The following DTNB variants were observed in gnomAD, a reference collection of about 807,000 sequenced individuals.
The protein encoded by DTNB is dystrobrevin beta.
DTNB carries 63 observed loss-of-function variants against 90.7 expected under a neutral mutation model. That is an observed-to-expected ratio of 0.69 (90% confidence interval 0.57 to 0.86). The LOEUF (loss-of-function observed/expected upper bound fraction) is 0.86. Ranked by LOEUF, DTNB falls within the 40% of genes least tolerant of loss-of-function variation. DTNB has a pLI of 0.00. For missense variants in DTNB, 744 were observed against 807.1 expected (o/e 0.92, Z 0.95); for synonymous variants, 277 against 286.7 (o/e 0.97, Z 0.34).
chr2:25,401,910 C>T (rs558346793), intron 16 of DTNB, among the ~76,000 whole-genome samples: 3 of 152,122 alleles, frequency 2.0e-5, no homozygotes, highest in Non-Finnish European at 2.9e-5. Context: ...ATTTTGCTGC[C>T]GTGTATTTAA....
intron 10 of DTNB, among the ~76,000 whole-genome samples, 183 bp from the exon 11 acceptor site, chr2:25,455,677 C>T (rs1269659871): frequency 6.6e-6 from 1 of 152,236 alleles, no homozygotes; most frequent in Non-Finnish European, 1.5e-5. Context: ...AGGAATCCAT[C>T]TCTCAAATCC....
intron 15 of DTNB, among the ~76,000 whole-genome samples, chr2:25,425,358 C>A (rs1376850973): frequency 1.3e-5 from 2 of 152,158 alleles, no homozygotes; most frequent in Admixed American, 1.3e-4. Context: ...TTGAGCAAGT[C>A]AAAATTCAGT....
chr2:25,471,265 A>G (rs2062752521), intron 10 of DTNB, among the ~76,000 whole-genome samples: 1 of 152,084 alleles, frequency 6.6e-6, no homozygotes, highest in South Asian at 2.1e-4. Flanking sequence ...AGAACTGTTC[A>G]CCACTACTCA....
intron 3 of DTNB, among the ~76,000 whole-genome samples, chr2:25,633,525 T>A (rs1428983685): frequency 6.6e-6 from 1 of 151,890 alleles, no homozygotes; most frequent in Non-Finnish European, 1.5e-5. Flanking sequence ...AACCTCCACC[T>A]CCCAGCCGCC....
chr2:25,628,974 T>G (rs1297719893), intron 3 of DTNB, among the ~76,000 whole-genome samples: 1 of 152,188 alleles, frequency 6.6e-6, no homozygotes, highest in Non-Finnish European at 1.5e-5. Context: ...CCATTTCCAG[T>G]AATAAAGTAG....
intron 15 of DTNB, among the ~76,000 whole-genome samples, chr2:25,422,674 A>G (rs1277992683): frequency 6.6e-6 from 1 of 152,110 alleles, no homozygotes; most frequent in African/African-American, 2.4e-5. Context: ...TTGGGATTAT[A>G]GGCATGAGCC....
intron 14 of DTNB, among the ~76,000 whole-genome samples, chr2:25,429,586 TC>T (rs2053163733): frequency 6.6e-6 from 1 of 152,342 alleles, no homozygotes; most frequent in African/African-American, 2.4e-5. Context: ...TTAGTGCTCC[TC>T]AGTGGTACTT....
At chr2:25,642,102 G>A (rs2078457965) in intron 2 of DTNB, among the ~76,000 whole-genome samples, 1 of 152,188 alleles carries the variant, frequency 6.6e-6, no homozygotes, top group East Asian at 1.9e-4. Flanking sequence ...TTACAGGCAT[G>A]AGCCACCACA....
At chr2:25,672,210 A>G (rs1212807619) in intron 1 of DTNB, among the ~76,000 whole-genome samples, 3 of 142,378 alleles carry the variant, frequency 2.1e-5, no homozygotes, top group Admixed American at 2.1e-4. Context: ...TAGCAAAAAA[A>G]AAAAAAAAAA....
Position 25,432,916 on chromosome 2 carries a change from G to A in DTNB, c.1427C>T (p.Pro476Leu), listed in dbSNP as rs773683208. 2 of 1,609,788 alleles carry A rather than the reference G, an allele frequency of 1.2e-6. No individual in the cohort carries two copies. ...CAGCCGCAGCTCTGCCAGCAGCGTG[G>A]GGTTCTGCTGTGCCTTCTCAGGGGT... The part of the protein sequence containing the change: ...QPTPEKAQQN[P>L]TLLAELRLLR... The change falls in exon 14 of 21, where the codon CCC (proline) becomes CTC (leucine). Residue 476 changes from proline (P) to leucine (L), a missense_variant. Pro to Leu is a moderately conservative substitution (Grantham distance 98, BLOSUM62 -3). Coordinates refer to ENST00000406818, the MANE Select transcript of DTNB (RefSeq NM_021907.5).
intron 8 of DTNB, among the ~76,000 whole-genome samples, chr2:25,560,629 G>A (rs1490641361): frequency 6.6e-6 from 1 of 152,042 alleles, no homozygotes; most frequent in Non-Finnish European, 1.5e-5. Flanking sequence ...AGTTCTCCTG[G>A]GTCTCCAACT....
intron 10 of DTNB, among the ~76,000 whole-genome samples, chr2:25,478,546 A>G (rs2064215313): frequency 5.3e-5 from 8 of 151,210 alleles, no homozygotes. Flanking sequence ...TTTTTTAGAG[A>G]CAGAGTCTCG....
intron 4 of DTNB, among the ~76,000 whole-genome samples, chr2:25,618,822 T>C (rs1573511497): frequency 1.3e-5 from 2 of 152,186 alleles, no homozygotes; most frequent in Non-Finnish European, 2.9e-5. Flanking sequence ...TTCATTTCCA[T>C]AGCCCTATCA....
intron 9 of DTNB, chr2:25,497,192 T>G (rs1332134838): frequency 6.6e-6 from 1 of 152,314 alleles, no homozygotes; most frequent in East Asian, 1.9e-4. Context: ...AACACACATC[T>G]GCCTTCCACC....
At chr2:25,598,505 A>G (rs17047092) in intron 5 of DTNB, among the ~76,000 whole-genome samples, 3,446 of 152,300 alleles carry the variant, frequency 0.023, 133 homozygotes, top group African/African-American at 0.076. Flanking sequence ...ACAGCTTAGA[A>G]AGGTTAACTT....
chr2:25,571,996 T>C (rs1396056307), intron 8 of DTNB, among the ~76,000 whole-genome samples: 1 of 152,136 alleles, frequency 6.6e-6, no homozygotes, highest in African/African-American at 2.4e-5. Flanking sequence ...TACCTTTTTG[T>C]TCCCTTTTCT....
At chr2:25,411,796 C>T (rs989098528) in intron 16 of DTNB, among the ~76,000 whole-genome samples, 9 of 152,178 alleles carry the variant, frequency 5.9e-5, no homozygotes, top group Admixed American at 5.9e-4. Context: ...TTTTTATCCT[C>T]CAAAAGGCCA....
At chr2:25,648,185 T>G (rs1490154824) in intron 2 of DTNB, among the ~76,000 whole-genome samples, 1 of 152,218 alleles carries the variant, frequency 6.6e-6, no homozygotes, top group East Asian at 1.9e-4. Flanking sequence ...ACCTTTCACT[T>G]TTCTTGGTGA....
Position 25,388,351 on chromosome 2 carries a change from GT to G in DTNB, c.1585del (p.Thr529GlnfsTer37), listed in dbSNP as rs2040124082. On this transcript the variant is annotated frameshift_variant, in exon 17 of 21. Transcript: ENST00000406818. LOFTEE classifies it high-confidence loss of function. ...EEEQKQAAQA[T>X]GSPHTSPTHG... ...GGTGGGCGATGTATGTGGTGACCCT[GT>G]GGCCTGAGCCTGGAGATTCAAAGAC... 6.2e-7 allele frequency: 1 copy of G among 1,605,620 alleles called. No homozygotes were observed. The highest frequency in any genetic ancestry group is 8.5e-7 in the Non-Finnish European group (1 of 1,173,982).
Sources: gnomAD v4.1 joint callset for allele counts (sites outside exome capture counted in the v4.1 genomes callset) on GRCh38, gnomAD v4.1.1 for gene constraint, MANE v1.5 for transcripts, NCBI Gene and HGNC (gene_info 2026-07-23, HGNC 2026-07-21) for gene names.